DCHS2: variants seen among roughly 807,000 people sequenced by gnomAD.
DCHS2 encodes dachsous cadherin-related 2.
DCHS2 carries 142 observed loss-of-function variants against 182.4 expected under a neutral mutation model. The ratio of observed to expected loss-of-function variants is 0.78; its 90% CI spans 0.68 to 0.89. DCHS2 has a LOEUF of 0.89. DCHS2 is among the 40% of genes least tolerant of loss of function. The pLI is 0.00. For synonymous variants in DCHS2, 1,740 were observed against 1,663.3 expected (o/e 1.05, Z -1.12); for missense variants, 4,319 against 4,198.6 (o/e 1.03, Z -0.79).
Position 154,234,433 on chromosome 4 carries a change from G to A in DCHS2, c.*103C>T. On this transcript the variant is annotated 3_prime_UTR_variant, in exon 20 of 20. Transcript: ENST00000357232. Reference sequence around the variant, plus strand: ...AAACTCTAACTAAATTACATCACTTGCTTTTAGATAAAAATGAGCCCAATC... The same window carrying A: ...AAACTCTAACTAAATTACATCACTTACTTTTAGATAAAAATGAGCCCAATC... 1 of 1,401,094 alleles carries A rather than the reference G, an allele frequency of 7.1e-7. No individual in the cohort carries two copies. Among genetic ancestry groups the A allele is most frequent in the African/African-American group, 1.4e-5 (1 of 68,984 alleles). 86.8% of individuals were successfully genotyped at this position (1,401,094 alleles called of 1,614,324 possible).
intron 3 of DCHS2, among the ~76,000 whole-genome samples, chr4:154,347,390 T>G (rs1313363313): frequency 6.6e-6 from 1 of 151,280 alleles, no homozygotes; most frequent in Admixed American, 6.6e-5. Flanking sequence ...CAAATCTTGG[T>G]TCTATCAATC....
chr4:154,288,150 G>A (rs1262831907), intron 13 of DCHS2, among the ~76,000 whole-genome samples: 2 of 151,974 alleles, frequency 1.3e-5, no homozygotes, highest in African/African-American at 2.4e-5. Flanking sequence ...GATATAAGAA[G>A]AAGACACAAT....
chr4:154,241,901 G>A (rs933012315), intron 17 of DCHS2, among the ~76,000 whole-genome samples: 3 of 152,138 alleles, frequency 2.0e-5, no homozygotes, highest in Admixed American at 6.6e-5. Flanking sequence ...AGAGGTTATG[G>A]TTGTAATTTG....
chr4:154,263,991 A>AG (rs1578878703), intron 14 of DCHS2, among the ~76,000 whole-genome samples: 1 of 152,002 alleles, frequency 6.6e-6, no homozygotes, highest in East Asian at 1.9e-4. Flanking sequence ...ATTGAAAGGG[A>AG]GAAAAAAAAT....
chr4:154,457,763 G>T (rs1442806231), intron 1 of DCHS2, among the ~76,000 whole-genome samples: 3 of 152,140 alleles, frequency 2.0e-5, no homozygotes, highest in African/African-American at 7.2e-5. Context: ...AGCACAAATT[G>T]CTTCTCTCCC....
At chr4:154,331,845 T>A in intron 5 of DCHS2, 1 of 912,144 alleles carries the variant, frequency 1.1e-6, no homozygotes, top group Non-Finnish European at 1.5e-6. Context: ...AAGGATTAAA[T>A]AAACTCCCCG....
At chr4:154,474,124 T>TTTA (rs1735590239) in intron 1 of DCHS2, among the ~76,000 whole-genome samples, 1 of 152,216 alleles carries the variant, frequency 6.6e-6, no homozygotes, top group Non-Finnish European at 1.5e-5. Flanking sequence ...AACTCCAGTC[T>TTTA]CTGCCTCCAT....
rs1247257959 is a variant in DCHS2 at position 154,320,173 on chromosome 4, C to T, written c.5020+206G>A. Reference sequence around the variant, plus strand: ...AATCAAAGAGTGCAGTGGTGATTGTCAGAGGCTGGATGGAAGGGAAAATGG... The same window carrying T: ...AATCAAAGAGTGCAGTGGTGATTGTTAGAGGCTGGATGGAAGGGAAAATGG... On this transcript the variant is annotated intron_variant, in intron 9 of 19. Transcript: ENST00000357232. Among the ~76,000 whole-genome samples, 3 of 152,036 alleles carry T rather than the reference C, an allele frequency of 2.0e-5. No homozygotes were observed. In the East Asian group the frequency reaches 5.8e-4, roughly 29 times the overall value.
intron 7 of DCHS2, chr4:154,323,215 C>G (rs1470350408): frequency 1.9e-6 from 3 of 1,549,398 alleles, no homozygotes; most frequent in Non-Finnish European, 2.6e-6. Context: ...AATTGGGAGG[C>G]AGATCTAGAG....
chr4:154,450,405 C>G (rs1316538992), intron 1 of DCHS2, among the ~76,000 whole-genome samples: 1 of 152,138 alleles, frequency 6.6e-6, no homozygotes, highest in Non-Finnish European at 1.5e-5. Flanking sequence ...CTTTACCAAT[C>G]GCTAAAAATA....
intron 1 of DCHS2, among the ~76,000 whole-genome samples, chr4:154,481,943 C>G (rs2111038206): frequency 6.6e-6 from 1 of 152,284 alleles, no homozygotes; most frequent in East Asian, 1.9e-4. Context: ...TCCTCTCTAC[C>G]AAGGAGTTTT....
rs769325514 is a variant in DCHS2, at chr4:154,236,477, A to G, written c.8175T>C (p.Ile2725=). The G allele has an allele frequency of 3.1e-6, 5 of 1,613,940 alleles. No homozygotes were observed. In the East Asian group the frequency reaches 1.1e-4, roughly 36 times the overall value. ...LEENTGVLYL[I]KPLDYEKMTK... Reference sequence around the variant, plus strand: ...TCATTTTTTCATAATCCAGAGGTTTAATCAAATAAAGAACTCCAGTGTTTT... The same window carrying G: ...TCATTTTTTCATAATCCAGAGGTTTGATCAAATAAAGAACTCCAGTGTTTT... The change falls in exon 20 of 20, where the codon ATT becomes ATC. Residue 2725 remains isoleucine, a synonymous_variant. Transcript: ENST00000357232.
chr4:154,321,193 G>T lies in DCHS2; in HGVS notation c.4206C>A (p.Ile1402=). The T allele has an allele frequency of 6.4e-7, 1 of 1,562,654 alleles. No homozygotes were observed. Among genetic ancestry groups the T allele is most frequent in the South Asian group, 1.2e-5 (1 of 82,634 alleles). The change falls in exon 9 of 20, where the codon ATC becomes ATA. Residue 1402 remains isoleucine, a synonymous_variant. Transcript: ENST00000357232. The part of the protein sequence containing the change: ...QVIPLSKGRA[I]MSQNIRHLII... ...TTAAATGTCTAATATTCTGAGACAT[G>T]ATTGCTCTCCCTTTGGATAGTGGGA...
In DCHS2 at chr4:154,259,576, T is replaced by A. The variant is rs765027243; in HGVS notation, c.6758A>T (p.Glu2253Val). The change falls in exon 15 of 20, where the codon GAA becomes GTA. Residue 2253 changes from glutamate to valine, a missense_variant. Physicochemically the swap from Glu to Val is moderately radical, Grantham distance 121 (BLOSUM62 -2). Coordinates refer to ENST00000357232, the MANE Select transcript of DCHS2 (RefSeq NM_001358235.2). ...GACATGAGCATTGTAGAGTTGGCTT[T>A]CAGACACTGATGCCTGGTAAATGCT... ...EQSIYQASVS[E>V]SQLYNAHVIQ... The A allele has an allele frequency of 1.2e-6, 2 of 1,613,974 alleles. No homozygotes were observed. The highest frequency in any genetic ancestry group is 1.7e-6 in the Non-Finnish European group (2 of 1,180,006).
chr4:154,290,325 T>G (rs924019413), intron 13 of DCHS2, among the ~76,000 whole-genome samples: 2 of 152,104 alleles, frequency 1.3e-5, no homozygotes, highest in Non-Finnish European at 2.9e-5. Context: ...TATTCCATGT[T>G]CATGGATTGA....
chr4:154,330,956 C>T (rs891455988), intron 5 of DCHS2, among the ~76,000 whole-genome samples: 2 of 151,940 alleles, frequency 1.3e-5, no homozygotes, highest in Admixed American at 6.6e-5. Context: ...CCTTGGAGGT[C>T]GGGGATGTAA....
At chr4:154,363,164 A>G (rs535777177) in intron 3 of DCHS2, among the ~76,000 whole-genome samples, 102 of 152,324 alleles carry the variant, frequency 6.7e-4, no homozygotes, top group African/African-American at 2.1e-3. Flanking sequence ...AGGTTCCTTT[A>G]AAAGTTAAAA....
rs751557096 is a variant in DCHS2, at chr4:154,298,151, G to A, written c.6163C>T (p.Gln2055Ter). The A allele has an allele frequency of 2.5e-6, 4 of 1,614,064 alleles. No homozygotes were observed. The highest frequency in any genetic ancestry group is 2.7e-5 in the African/African-American group (2 of 75,034). ...VFLSPESPTN[Q>*]TTVIVRADDL... ...TCAGCTCTCACAATGACAGTTGTCT[G>A]GTTTGTAGGCGACTCGGGGGAAAGA... The change falls in exon 13 of 20, where the codon CAG becomes TAG. Residue 2055 changes from glutamine (Q) to a stop codon, truncating the protein, a stop_gained. Transcript: ENST00000357232. LOFTEE classifies it high-confidence loss of function.
At chr4:154,417,994 C>T (rs571354461) in intron 1 of DCHS2, among the ~76,000 whole-genome samples, 1 of 152,210 alleles carries the variant, frequency 6.6e-6, no homozygotes, top group Admixed American at 6.5e-5. Context: ...GTGAACAATC[C>T]TTAAATGATA....
Sources: gnomAD v4.1 joint callset for allele counts (sites outside exome capture counted in the v4.1 genomes callset) on GRCh38, gnomAD v4.1.1 for gene constraint, MANE v1.5 for transcripts, NCBI Gene and HGNC (gene_info 2026-07-23, HGNC 2026-07-21) for gene names.